OXR1: variants seen among roughly 807,000 people sequenced by gnomAD.
OXR1 encodes oxidation resistance 1, also known as oxidation resistance protein 1.
In OXR1, 41 loss-of-function variants were observed where a neutral mutation model predicts 104.6. The observed-to-expected ratio is 0.39, with a 90% confidence interval of 0.31 to 0.51. The LOEUF is 0.51. Among genes scored for constraint, OXR1 ranks in the 20% least tolerant of loss-of-function variants. The pLI, the probability that OXR1 is intolerant of heterozygous loss-of-function variation, is 0.77. For synonymous variants in OXR1, 348 were observed against 348.4 expected (o/e 1.00, Z 0.01); for missense variants, 955 against 1,031.9 (o/e 0.93, Z 1.02).
chr8:106,588,577 T>A (rs1332490871), intron 3 of OXR1, among the ~76,000 whole-genome samples: 9 of 151,240 alleles, frequency 6.0e-5, no homozygotes, highest in Admixed American at 3.3e-4. Context: ...AACCTCTGCC[T>A]CCCGGGTTCA....
At chr8:106,706,301 A>T in intron 8 of OXR1, 81 bp from the exon 9 acceptor site, 1 of 937,650 alleles carries the variant, frequency 1.1e-6, no homozygotes, top group Non-Finnish European at 1.6e-6. Context: ...TTTTAGTGAT[A>T]CTAATTCTGT....
rs1398988833 is a variant in OXR1, at chr8:106,529,206, T to C, written c.220+10067T>C. ...CAAGATTTCAAGTTTAGTTTTTTGG[T>C]TCATTTGTGGATTAATAAGACCATG... is the stretch of plus-strand genomic sequence containing the variant. On this transcript the variant is annotated intron_variant, in intron 3 of 16. Transcript: ENST00000517566. Among the ~76,000 whole-genome samples the C allele has an allele frequency of 2.0e-5, 3 of 152,204 alleles. No individual in the cohort carries two copies. The East Asian group carries it at 5.8e-4, about 29-fold the overall frequency.
intron 2 of OXR1, among the ~76,000 whole-genome samples, chr8:106,515,460 A>T (rs1406670570): frequency 1.3e-5 from 2 of 152,036 alleles, no homozygotes; most frequent in African/African-American, 4.8e-5. Flanking sequence ...TACCCATCTA[A>T]ATTCCTTATA....
chr8:106,423,741 CA>C (rs1818996060), intron 2 of OXR1, among the ~76,000 whole-genome samples: 1 of 152,140 alleles, frequency 6.6e-6, no homozygotes, highest in South Asian at 2.1e-4. Flanking sequence ...AATGAAAAAC[CA>C]TACATCTCTT....
chr8:106,682,081 T>C (rs928555455), intron 4 of OXR1, among the ~76,000 whole-genome samples: 1 of 152,204 alleles, frequency 6.6e-6, no homozygotes, highest in Non-Finnish European at 1.5e-5. Flanking sequence ...TGTAGTCTTT[T>C]CTGGAAAATT....
At chr8:106,497,339 G>C (rs912558115) in intron 2 of OXR1, among the ~76,000 whole-genome samples, 9 of 152,258 alleles carry the variant, frequency 5.9e-5, no homozygotes, top group Admixed American at 2.6e-4. Flanking sequence ...AGAAATATGA[G>C]TCGTTGGTAG....
intron 1 of OXR1, among the ~76,000 whole-genome samples, chr8:106,356,242 G>C (rs1471423691): frequency 6.6e-6 from 1 of 152,142 alleles, no homozygotes; most frequent in Admixed American, 6.6e-5. Context: ...TACATTACTG[G>C]ATTATGAAAC....
At chr8:106,379,537 CTTTTTTTTTTTT>C (rs60855438) in intron 2 of OXR1, among the ~76,000 whole-genome samples, 1 of 108,400 alleles carries the variant, frequency 9.2e-6, no homozygotes, top group Non-Finnish European at 1.8e-5. Context: ...TTCTTTCTTT[CTTTTTTTTTTTT>C]TTTTTTTGAG....
intron 3 of OXR1, among the ~76,000 whole-genome samples, chr8:106,606,066 A>G (rs896529838): frequency 1.3e-5 from 2 of 152,100 alleles, no homozygotes; most frequent in African/African-American, 4.8e-5. Context: ...AATTTATTAT[A>G]TTAAGTCCCA....
chr8:106,654,019 C>T (rs1165042284), intron 3 of OXR1, among the ~76,000 whole-genome samples: 1 of 151,872 alleles, frequency 6.6e-6, no homozygotes, highest in Non-Finnish European at 1.5e-5. Flanking sequence ...CAAAAAAGTA[C>T]AAGATTTATA....
chr8:106,714,654 T>C (rs940113865), intron 11 of OXR1, among the ~76,000 whole-genome samples: 1 of 152,122 alleles, frequency 6.6e-6, no homozygotes, highest in East Asian at 1.9e-4. Context: ...CTTTGTCTTA[T>C]AAGGTTGGTA....
At chr8:106,431,521 G>A (rs17338818) in intron 2 of OXR1, among the ~76,000 whole-genome samples, 12,296 of 152,140 alleles carry the variant, frequency 0.081, 702 homozygotes, top group Middle Eastern at 0.12. Flanking sequence ...AAGCTAGAAC[G>A]AATTTAAAAT....
chr8:106,306,163 C>T (rs1231331776), intron 1 of OXR1, among the ~76,000 whole-genome samples: 1 of 151,894 alleles, frequency 6.6e-6, no homozygotes, highest in African/African-American at 2.4e-5. Flanking sequence ...CTGGGAACAT[C>T]TAAGGAATAA....
At chr8:106,740,058 A>G (rs576889704) in intron 13 of OXR1, among the ~76,000 whole-genome samples, 7 of 152,260 alleles carry the variant, frequency 4.6e-5, no homozygotes, top group African/African-American at 1.4e-4. Flanking sequence ...TGTTAATTCA[A>G]TATGGAAGGC....
At chr8:106,457,139 G>A (rs887953680) in intron 2 of OXR1, among the ~76,000 whole-genome samples, 1 of 152,146 alleles carries the variant, frequency 6.6e-6, no homozygotes, top group African/African-American at 2.4e-5. Context: ...GCTAGGTACT[G>A]GGATTCACTG....
chr8:106,306,879 T>C (rs1813485061), intron 1 of OXR1, among the ~76,000 whole-genome samples: 1 of 151,866 alleles, frequency 6.6e-6, no homozygotes, highest in South Asian at 2.1e-4. Flanking sequence ...AGATTTTATG[T>C]AGATTTTCAA....
At chr8:106,697,354 A>T in intron 7 of OXR1, 1 of 1,094,830 alleles carries the variant, frequency 9.1e-7, no homozygotes, top group Non-Finnish European at 1.3e-6. Flanking sequence ...TGGGAATGTC[A>T]CTGCTAAAAT....
At chr8:106,289,682 CAAAGCTAT>C (rs1330974455) in intron 1 of OXR1, among the ~76,000 whole-genome samples, 1 of 152,156 alleles carries the variant, frequency 6.6e-6, no homozygotes, top group Non-Finnish European at 1.5e-5. Context: ...AACTATCCTA[CAAAGCTAT>C]AGTAACCAAA....
intron 3 of OXR1, among the ~76,000 whole-genome samples, chr8:106,651,047 G>A (rs752806959): frequency 2.6e-5 from 4 of 152,154 alleles, no homozygotes; most frequent in Non-Finnish European, 5.9e-5. Context: ...ATCAAGAAGT[G>A]AGGACACTGA....
Sources: allele counts gnomAD v4.1 joint callset (sites outside exome capture counted in the v4.1 genomes callset), GRCh38; gene constraint gnomAD v4.1.1; transcripts MANE v1.5; gene names NCBI Gene and HGNC (gene_info 2026-07-23, HGNC 2026-07-21).